MBNL1: variants seen among roughly 807,000 people sequenced by gnomAD.
MBNL1 encodes the protein muscleblind like splicing regulator 1, also known as muscleblind-like protein 1.
MBNL1 carries 8 observed loss-of-function variants against 42.2 expected under a neutral mutation model. The observed-to-expected ratio is 0.19, with a 90% CI of 0.11 to 0.34. MBNL1 has a LOEUF of 0.34. Among genes scored for constraint, MBNL1 ranks in the 10% least tolerant of loss-of-function variants. MBNL1 has a pLI of 1.00. For synonymous variants in MBNL1, 169 were observed against 173.9 expected (o/e 0.97, Z 0.22); for missense variants, 309 against 495.3 (o/e 0.62, Z 3.57).
intron 2 of MBNL1, among the ~76,000 whole-genome samples, chr3:152,325,082 T>TCCCCCCCCC (rs1560149912): frequency 2.4e-5 from 1 of 41,022 alleles, no homozygotes; most frequent in Non-Finnish European, 4.8e-5. Flanking sequence ...TAATGCCACA[T>TCCCCCCCCC]ACCCGCCCCC....
chr3:152,244,138 A>G (rs2032326608), intron 1 of MBNL1: 1 of 152,206 alleles, frequency 6.6e-6, no homozygotes, highest in Non-Finnish European at 1.5e-5. Flanking sequence ...CTTTTCTAAA[A>G]TTTGCTTACA....
At chr3:152,400,300 G>C (rs1346720751) in intron 2 of MBNL1, among the ~76,000 whole-genome samples, 4 of 131,492 alleles carry the variant, frequency 3.0e-5, no homozygotes, top group Non-Finnish European at 5.5e-5. Flanking sequence ...TGCCACTTTA[G>C]TTTTATAAAC....
Position 152,353,434 on chromosome 3 carries a change from GGCA to G in MBNL1, c.174+53069_174+53071del, listed in dbSNP as rs2095255562. 4.6e-5 allele frequency among the ~76,000 whole-genome samples: 7 copies of G among 152,314 alleles called. 1 individual carries two copies. The South Asian group carries it at 1.4e-3, about 32-fold the overall frequency. ...AAAAGGTTGCCTTTTAGAGTAGTCA[GGCA>G]GAGGAAATAGTGCGTAGGAATTGAC... On this transcript the variant is annotated intron_variant, in intron 2 of 9. Coordinates refer to ENST00000324210, the MANE Select transcript of MBNL1 (RefSeq NM_021038.5).
At chr3:152,290,105 C>T (rs949788647) in intron 1 of MBNL1, among the ~76,000 whole-genome samples, 1 of 151,770 alleles carries the variant, frequency 6.6e-6, no homozygotes, top group Non-Finnish European at 1.5e-5. Context: ...ATACAATTTT[C>T]CTGATTGAGG....
chr3:152,345,226 C>T (rs1162321798), intron 2 of MBNL1, among the ~76,000 whole-genome samples: 1 of 151,914 alleles, frequency 6.6e-6, no homozygotes, highest in Non-Finnish European at 1.5e-5. Flanking sequence ...ATCGTAAAAC[C>T]CTTTACACAT....
chr3:152,307,441 A>G (rs2063764167), intron 2 of MBNL1, among the ~76,000 whole-genome samples: 1 of 152,054 alleles, frequency 6.6e-6, no homozygotes, highest in East Asian at 1.9e-4. Context: ...ACACTTTCTT[A>G]TTTTTTCCGT....
chr3:152,359,889 C>T (rs1273466847), intron 2 of MBNL1, among the ~76,000 whole-genome samples: 1 of 152,128 alleles, frequency 6.6e-6, no homozygotes, highest in Non-Finnish European at 1.5e-5. Flanking sequence ...TGCAGTTAGA[C>T]CAGTCTCACT....
chr3:152,263,215 A>C (rs1308469001), upstream of MBNL1: 2 of 152,238 alleles, frequency 1.3e-5, no homozygotes, highest in African/African-American at 4.8e-5. Flanking sequence ...TGGAAAAGAA[A>C]TTGCATATAT....
At chr3:152,405,919 A>G (rs530539365) in intron 2 of MBNL1, among the ~76,000 whole-genome samples, 91 of 152,296 alleles carry the variant, frequency 6.0e-4, no homozygotes, top group African/African-American at 2.0e-3. Context: ...TCAGCTACAA[A>G]CAGTTTAGAA....
At chr3:152,289,740 T>C (rs2054752269) in intron 1 of MBNL1, among the ~76,000 whole-genome samples, 1 of 152,138 alleles carries the variant, frequency 6.6e-6, no homozygotes, top group African/African-American at 2.4e-5. Context: ...TATAAGTCAA[T>C]AGAAATATCC....
chr3:152,416,488 A>C (rs2098704260), intron 3 of MBNL1, among the ~76,000 whole-genome samples: 1 of 152,234 alleles, frequency 6.6e-6, no homozygotes, highest in African/African-American at 2.4e-5. Context: ...CAAAAGTCTC[A>C]TTTGCACTTG....
Position 152,463,667 on chromosome 3 carries a change from C to G in MBNL1, c.*1301C>G, listed in dbSNP as rs915970796. 2 of 152,194 alleles carry G rather than the reference C, an allele frequency of 1.3e-5. No homozygotes were observed. The highest frequency in any genetic ancestry group is 4.8e-5 in the African/African-American group (2 of 41,416). 9.4% of individuals were successfully genotyped at this position (152,194 alleles called of 1,614,324 possible). On this transcript the variant is annotated 3_prime_UTR_variant, in exon 10 of 10. Transcript: ENST00000324210. ...TTTTGTTCAGATTAACTGCTTATAG[C>G]CTTAGAAAGCCTTTTACAAAATTAA... is the stretch of plus-strand genomic sequence containing the variant.
intron 2 of MBNL1, among the ~76,000 whole-genome samples, chr3:152,404,111 G>A (rs2098344381): frequency 6.6e-6 from 1 of 152,124 alleles, no homozygotes. Flanking sequence ...GACAGTATTT[G>A]TTTTTCAGTT....
At chr3:152,314,815 T>C (rs1211625365) in intron 2 of MBNL1, among the ~76,000 whole-genome samples, 1 of 152,248 alleles carries the variant, frequency 6.6e-6, no homozygotes, top group Non-Finnish European at 1.5e-5. Flanking sequence ...CTGATTTTTT[T>C]GGCTTTTCAG....
chr3:152,395,108 C>T (rs1199615343), intron 2 of MBNL1, among the ~76,000 whole-genome samples: 1 of 152,206 alleles, frequency 6.6e-6, no homozygotes, highest in East Asian at 1.9e-4. Context: ...ATCCACCTGC[C>T]TCAGCCTCCC....
At chr3:152,414,555 A>G (rs1172111812) in intron 2 of MBNL1, among the ~76,000 whole-genome samples, 1 of 152,204 alleles carries the variant, frequency 6.6e-6, no homozygotes, top group African/African-American at 2.4e-5. Flanking sequence ...ATAAAATATA[A>G]AACTTGGATT....
At chr3:152,323,338 G>T (rs1251384288) in intron 2 of MBNL1, among the ~76,000 whole-genome samples, 1 of 151,816 alleles carries the variant, frequency 6.6e-6, no homozygotes, top group East Asian at 1.9e-4. Context: ...TAACCTAAAG[G>T]AATTTTTTTA....
intron 2 of MBNL1, among the ~76,000 whole-genome samples, chr3:152,380,195 G>A (rs543028017): frequency 1.3e-5 from 2 of 152,160 alleles, no homozygotes; most frequent in South Asian, 4.1e-4. Flanking sequence ...GTTTGAAGAT[G>A]CATCATAAAG....
intron 3 of MBNL1, among the ~76,000 whole-genome samples, chr3:152,431,906 A>G (rs2099012294): frequency 6.7e-6 from 1 of 149,828 alleles, no homozygotes; most frequent in African/African-American, 2.4e-5. Flanking sequence ...ATATCAACAA[A>G]TAGAAACAAT....
Sources: allele counts gnomAD v4.1 joint callset (sites outside exome capture counted in the v4.1 genomes callset), GRCh38; gene constraint gnomAD v4.1.1; transcripts MANE v1.5; gene names NCBI Gene and HGNC (gene_info 2026-07-23, HGNC 2026-07-21).